Variants in GRIA1 observed in about 807,000 individuals in gnomAD.
GRIA1 encodes glutamate receptor 1.
In GRIA1, 31 loss-of-function variants were observed where a neutral mutation model predicts 99.2. The ratio of observed to expected loss-of-function variants is 0.31; its 90% confidence interval spans 0.23 to 0.42. The LOEUF (loss-of-function observed/expected upper bound fraction) is 0.42. Ranked by LOEUF, GRIA1 falls within the 10% of genes least tolerant of loss-of-function variation. The pLI is 1.00. For missense variants in GRIA1, 782 were observed against 1,157.5 expected (o/e 0.68, Z 4.71); for synonymous variants, 438 against 432.4 (o/e 1.01, Z -0.16).
At chr5:153,550,964 T>C (rs1760081706) in intron 2 of GRIA1, among the ~76,000 whole-genome samples, 1 of 152,172 alleles carries the variant, frequency 6.6e-6, no homozygotes, top group Admixed American at 6.6e-5. Context: ...ATGTATACAA[T>C]GAATTTATAT....
chr5:153,544,688 A>C (rs1759444985), intron 2 of GRIA1, among the ~76,000 whole-genome samples: 1 of 152,198 alleles, frequency 6.6e-6, no homozygotes. Context: ...GATAAACCAA[A>C]GGCAGGATAT....
chr5:153,744,381 T>C (rs902159522), intron 11 of GRIA1, among the ~76,000 whole-genome samples: 1 of 152,248 alleles, frequency 6.6e-6, no homozygotes, highest in Non-Finnish European at 1.5e-5. Context: ...GGAAACATGA[T>C]TTAATGACCC....
At chr5:153,732,129 A>C (rs1175874809) in intron 11 of GRIA1, among the ~76,000 whole-genome samples, 2 of 152,102 alleles carry the variant, frequency 1.3e-5, no homozygotes, top group Non-Finnish European at 2.9e-5. Flanking sequence ...TCATCCATCC[A>C]TGAATACTTA....
At chr5:153,621,258 G>A (rs1767018126) in intron 2 of GRIA1, among the ~76,000 whole-genome samples, 1 of 152,150 alleles carries the variant, frequency 6.6e-6, no homozygotes, top group Admixed American at 6.5e-5. Flanking sequence ...TGATTAGTAG[G>A]TCTCCTTATG....
intron 2 of GRIA1, among the ~76,000 whole-genome samples, chr5:153,642,922 C>CT (rs1465321472): frequency 6.6e-6 from 1 of 152,256 alleles, no homozygotes; most frequent in Non-Finnish European, 1.5e-5. Context: ...TGTCTTAACA[C>CT]TTAAGACTCC....
rs565523168 is a variant in GRIA1 at position 153,793,962 on chromosome 5, A to G, written c.2271-659A>G. On this transcript the variant is annotated intron_variant, in intron 13 of 15. Coordinates refer to ENST00000285900, the MANE Select transcript of GRIA1 (RefSeq NM_000827.4). ...AAAGCCTCAGGAAAATGACTCAACC[A>G]TGGCCTTCTGATGAATCTGTTTTCC... is the stretch of plus-strand genomic sequence containing the variant. Among the ~76,000 whole-genome samples the G allele has an allele frequency of 3.3e-5, 5 of 152,336 alleles. No individual in the cohort carries two copies. In the South Asian group the frequency reaches 1.0e-3, roughly 32 times the overall value.
intron 9 of GRIA1, 88 bp from the exon 10 acceptor site, chr5:153,698,779 A>G (rs760839303): frequency 1.5e-5 from 13 of 846,028 alleles, no homozygotes; most frequent in Non-Finnish European, 2.6e-5. Context: ...AGTGTTAACC[A>G]AACATGATAT....
chr5:153,630,253 AATT>A (rs1340057612), intron 2 of GRIA1, among the ~76,000 whole-genome samples: 1 of 117,724 alleles, frequency 8.5e-6, no homozygotes, highest in Non-Finnish European at 2.1e-5. Context: ...TAATAATGAT[AATT>A]ATCATCATCA....
At chr5:153,774,162 T>A (rs572682960) in intron 13 of GRIA1, among the ~76,000 whole-genome samples, 1 of 144,506 alleles carries the variant, frequency 6.9e-6, no homozygotes, top group African/African-American at 2.6e-5. Flanking sequence ...CAAGACATGG[T>A]CAAACTCCAA....
chr5:153,596,862 CAT>C (rs895092166), intron 2 of GRIA1, among the ~76,000 whole-genome samples: 2 of 152,226 alleles, frequency 1.3e-5, no homozygotes, highest in Admixed American at 6.5e-5. Context: ...AATGAAAAAT[CAT>C]ATTTGTTTGC....
intron 5 of GRIA1, among the ~76,000 whole-genome samples, chr5:153,656,932 T>C (rs1483503426): frequency 6.6e-6 from 1 of 152,188 alleles, no homozygotes; most frequent in Non-Finnish European, 1.5e-5. Flanking sequence ...GTTTGGAGCA[T>C]GTCATATATG....
At chr5:153,553,929 T>C (rs1313228619) in intron 2 of GRIA1, among the ~76,000 whole-genome samples, 1 of 152,192 alleles carries the variant, frequency 6.6e-6, no homozygotes, top group Non-Finnish European at 1.5e-5. Context: ...CCTGCTCGTG[T>C]CTGACTAGCT....
At chr5:153,773,137 G>A (rs556598817) in intron 13 of GRIA1, among the ~76,000 whole-genome samples, 16 of 152,300 alleles carry the variant, frequency 1.1e-4, no homozygotes, top group East Asian at 1.9e-4. Flanking sequence ...GCCACTCACC[G>A]TGGTACATGC....
chr5:153,578,161 A>G (rs1581257821), intron 2 of GRIA1, among the ~76,000 whole-genome samples: 1 of 147,612 alleles, frequency 6.8e-6, no homozygotes, highest in East Asian at 2.0e-4. Flanking sequence ...AAAAAAAAAA[A>G]AAAAAAAAAA....
At chr5:153,736,793 A>T (rs973244100) in intron 11 of GRIA1, among the ~76,000 whole-genome samples, 1 of 152,112 alleles carries the variant, frequency 6.6e-6, no homozygotes, top group East Asian at 1.9e-4. Context: ...GCCCTGAAAA[A>T]AATATAGTGG....
intron 2 of GRIA1, among the ~76,000 whole-genome samples, chr5:153,562,923 A>C (rs1372161146): frequency 6.6e-6 from 1 of 152,180 alleles, no homozygotes; most frequent in Non-Finnish European, 1.5e-5. Flanking sequence ...CATGCCTGTA[A>C]TCCCAGCACT....
At chr5:153,720,342 C>A (rs115676853) in intron 11 of GRIA1, among the ~76,000 whole-genome samples, 1 of 152,124 alleles carries the variant, frequency 6.6e-6, no homozygotes, top group South Asian at 2.1e-4. Context: ...TCATCATAAG[C>A]CTTGGAGGCA....
At chr5:153,695,430 A>G (rs779986777) in intron 8 of GRIA1, among the ~76,000 whole-genome samples, 3 of 152,198 alleles carry the variant, frequency 2.0e-5, no homozygotes, top group Non-Finnish European at 2.9e-5. Flanking sequence ...GCATTAGAGC[A>G]AGGATGAGGA....
intron 10 of GRIA1, among the ~76,000 whole-genome samples, chr5:153,701,574 T>G (rs1312053721): frequency 7.9e-6 from 1 of 125,848 alleles, no homozygotes; most frequent in African/African-American, 3.0e-5. Context: ...TGAGCCAAGA[T>G]GGTGCCGCTG....
Sources: allele counts gnomAD v4.1 joint callset (sites outside exome capture counted in the v4.1 genomes callset), GRCh38; gene constraint gnomAD v4.1.1; transcripts MANE v1.5; gene names NCBI Gene and HGNC (gene_info 2026-07-23, HGNC 2026-07-21).